SYT9: variants seen among roughly 807,000 people sequenced by gnomAD.
SYT9 encodes the protein synaptotagmin 9, also known as synaptotagmin-9.
A neutral mutation model predicts 48.4 loss-of-function variants in SYT9; 22 were observed. That is an observed-to-expected ratio of 0.45 (90% CI 0.32 to 0.65). The LOEUF is 0.65. Among genes scored for constraint, SYT9 ranks in the 30% least tolerant of loss-of-function variants. SYT9 has a pLI of 0.03. For synonymous variants in SYT9, 265 were observed against 245.0 expected (o/e 1.08, Z -0.76); for missense variants, 577 against 622.0 (o/e 0.93, Z 0.77).
chr11:7,431,582 G>C (rs1262615778), intron 6 of SYT9, among the ~76,000 whole-genome samples: 3 of 152,236 alleles, frequency 2.0e-5, no homozygotes, highest in Non-Finnish European at 2.9e-5. Context: ...AGGCATTTCG[G>C]AGACCTTGGC....
At chr11:7,464,610 G>T (rs1181725416) in intron 6 of SYT9, among the ~76,000 whole-genome samples, 1 of 152,174 alleles carries the variant, frequency 6.6e-6, no homozygotes, top group African/African-American at 2.4e-5. Flanking sequence ...AGGAATATGG[G>T]CTGATACCAT....
chr11:7,425,351 A>AGCACTGTG (rs1237328994), intron 6 of SYT9, among the ~76,000 whole-genome samples: 1 of 152,202 alleles, frequency 6.6e-6, no homozygotes, highest in Non-Finnish European at 1.5e-5. Flanking sequence ...GAGAGGCTTT[A>AGCACTGTG]GCACTGTGGC....
intron 3 of SYT9, among the ~76,000 whole-genome samples, chr11:7,315,097 GCATGGGAGT>G (rs1286043916): frequency 6.6e-6 from 1 of 152,198 alleles, no homozygotes; most frequent in Non-Finnish European, 1.5e-5. Flanking sequence ...ACAAAATGTA[GCATGGGAGT>G]CTGCTGGCCT....
At chr11:7,255,215 G>C (rs1847945701) in intron 1 of SYT9, among the ~76,000 whole-genome samples, 1 of 152,188 alleles carries the variant, frequency 6.6e-6, no homozygotes, top group African/African-American at 2.4e-5. Flanking sequence ...AGCCTTTAAG[G>C]CAGAGGGAAC....
At chr11:7,349,753 G>A (rs1452540587) in intron 3 of SYT9, among the ~76,000 whole-genome samples, 2 of 152,188 alleles carry the variant, frequency 1.3e-5, no homozygotes, top group African/African-American at 4.8e-5. Context: ...GGAAAATGAG[G>A]TATAGAAGGG....
At chr11:7,246,694 T>C (rs1291179466) in intron 1 of SYT9, among the ~76,000 whole-genome samples, 1 of 152,190 alleles carries the variant, frequency 6.6e-6, no homozygotes, top group Non-Finnish European at 1.5e-5. Flanking sequence ...CTCTATGACT[T>C]AAAACAACCA....
chr11:7,358,890 T>G (rs1850072615), intron 3 of SYT9, among the ~76,000 whole-genome samples: 1 of 152,188 alleles, frequency 6.6e-6, no homozygotes, highest in African/African-American at 2.4e-5. Context: ...AGGGTACATG[T>G]GCACAATGTG....
chr11:7,263,531 G>A (rs1848118321), intron 1 of SYT9, among the ~76,000 whole-genome samples: 2 of 152,184 alleles, frequency 1.3e-5, no homozygotes, highest in Admixed American at 1.3e-4. Flanking sequence ...CAAACAACTG[G>A]TTAGAAGTCA....
chr11:7,238,880 G>A (rs1037280487), exon 1 of SYT9: 1 of 455,956 alleles, frequency 2.2e-6, no homozygotes, highest in African/African-American at 2.0e-5. Context: ...GCTGGCGAAG[G>A]TGGTGGAGGG....
intron 3 of SYT9, among the ~76,000 whole-genome samples, chr11:7,414,158 G>A (rs752956094): frequency 1.3e-5 from 2 of 152,160 alleles, no homozygotes; most frequent in Admixed American, 6.5e-5. Context: ...TTCACATCCC[G>A]AACCTTACAA....
chr11:7,439,920 G>T (rs567183623), intron 6 of SYT9: 1 of 152,330 alleles, frequency 6.6e-6, no homozygotes, highest in African/African-American at 2.4e-5. Flanking sequence ...ACCCCAAGGT[G>T]GGTTGGGTCA....
At chr11:7,365,456 G>A (rs1271527995) in intron 3 of SYT9, among the ~76,000 whole-genome samples, 3 of 152,028 alleles carry the variant, frequency 2.0e-5, no homozygotes, top group Non-Finnish European at 2.9e-5. Context: ...TGTGCATTTT[G>A]TTTCTTTAAC....
At chr11:7,422,914 A>G (rs1847382029) in intron 6 of SYT9, among the ~76,000 whole-genome samples, 1 of 152,208 alleles carries the variant, frequency 6.6e-6, no homozygotes, top group Non-Finnish European at 1.5e-5. Flanking sequence ...CCTGAGAGAT[A>G]TTCCTCAAAC....
intron 1 of SYT9, among the ~76,000 whole-genome samples, chr11:7,281,896 C>T (rs1848500580): frequency 6.6e-6 from 1 of 152,196 alleles, no homozygotes; most frequent in Non-Finnish European, 1.5e-5. Flanking sequence ...AGAGCATTTC[C>T]AGAAGTGTCT....
chr11:7,344,033 G>C (rs561961952), intron 3 of SYT9, among the ~76,000 whole-genome samples: 1 of 152,290 alleles, frequency 6.6e-6, no homozygotes, highest in Admixed American at 6.5e-5. Flanking sequence ...CAACACATGG[G>C]AATTATGGGA....
intron 3 of SYT9, among the ~76,000 whole-genome samples, chr11:7,406,144 A>G (rs1847003848): frequency 6.6e-6 from 1 of 152,104 alleles, no homozygotes; most frequent in Non-Finnish European, 1.5e-5. Context: ...CATTATCTTG[A>G]GTATTTATCA....
At chr11:7,342,843 G>A (rs1389922151) in intron 3 of SYT9, among the ~76,000 whole-genome samples, 1 of 152,198 alleles carries the variant, frequency 6.6e-6, no homozygotes, top group Non-Finnish European at 1.5e-5. Context: ...GGACATCCAG[G>A]CATTTCCATA....
At chr11:7,366,778 A>G (rs182185624) in intron 3 of SYT9, among the ~76,000 whole-genome samples, 2 of 152,208 alleles carry the variant, frequency 1.3e-5, no homozygotes, top group East Asian at 1.9e-4. Context: ...AATGTTATAT[A>G]TATTTTATAG....
chr11:7,326,516 T>G (rs145900881), intron 3 of SYT9, among the ~76,000 whole-genome samples: 9,362 of 151,110 alleles, frequency 0.062, 433 homozygotes, highest in African/African-American at 0.13. Context: ...TTTTCTTTAT[T>G]AGTCTTGCTA....
Sources: gnomAD v4.1 joint callset for allele counts (sites outside exome capture counted in the v4.1 genomes callset) on GRCh38, gnomAD v4.1.1 for gene constraint, MANE v1.5 for transcripts, NCBI Gene and HGNC (gene_info 2026-07-23, HGNC 2026-07-21) for gene names.